Variants in ADCK5 observed in about 807,000 individuals in gnomAD.
The protein encoded by ADCK5 is uncharacterized aarF domain-containing protein kinase 5.
A neutral mutation model predicts 64.9 loss-of-function variants in ADCK5; 43 were observed. The ratio of observed to expected loss-of-function variants is 0.66; its 90% CI spans 0.52 to 0.85. ADCK5 has a LOEUF of 0.85. Among genes scored for constraint, ADCK5 ranks in the 40% least tolerant of loss-of-function variants. The pLI, the probability that ADCK5 is intolerant of heterozygous loss-of-function variation, is 0.00. For missense variants in ADCK5, 760 were observed against 810.5 expected (o/e 0.94, Z 0.76); for synonymous variants, 434 against 342.8 (o/e 1.27, Z -2.94).
intron 1 of ADCK5, among the ~76,000 whole-genome samples, chr8:144,377,127 A>T (rs140389525): frequency 2.0e-5 from 3 of 152,260 alleles, no homozygotes; most frequent in Non-Finnish European, 4.4e-5. Context: ...AGTCCTTTCC[A>T]CCCAAACCGT....
At chr8:144,390,562 A>G (rs1820167308) in intron 3 of ADCK5, 109 bp from the exon 4 acceptor site, 1 of 1,197,904 alleles carries the variant, frequency 8.3e-7, no homozygotes, top group Admixed American at 2.0e-5. Flanking sequence ...CCCTTGGGAC[A>G]TGAAGGGCTG....
intron 3 of ADCK5, among the ~76,000 whole-genome samples, chr8:144,388,607 A>C (rs1490939396): frequency 6.6e-6 from 1 of 151,698 alleles, no homozygotes; most frequent in Non-Finnish European, 1.5e-5. Flanking sequence ...TACTAAAAAT[A>C]CAAAAAAATT....
chr8:144,390,670 G>A lies in ADCK5; in HGVS notation c.267-1G>A. The stretch of plus-strand genomic sequence containing the variant: ...GAGACTGAGGCCACCTCTGCCCGCA[G>A]GTCTCTGAAGGTCGGCCTGCAGATC... On this transcript the variant is annotated splice_acceptor_variant, in intron 3 of 14. Coordinates refer to ENST00000308860, the MANE Select transcript of ADCK5 (RefSeq NM_174922.5). LOFTEE classifies it high-confidence loss of function. The A allele has an allele frequency of 6.2e-7, 1 of 1,613,428 alleles. No homozygotes were observed. The highest frequency in any genetic ancestry group is 8.5e-7 in the Non-Finnish European group (1 of 1,179,904).
At chr8:144,373,492 A>T (rs955831073), upstream of ADCK5, among the ~76,000 whole-genome samples, 1 of 152,204 alleles carries the variant, frequency 6.6e-6, no homozygotes, top group Non-Finnish European at 1.5e-5. Flanking sequence ...GCTAAGTGAC[A>T]GGGACCAAGG....
chr8:144,387,804 T>C (rs541837587), intron 3 of ADCK5, among the ~76,000 whole-genome samples: 9 of 151,422 alleles, frequency 5.9e-5, no homozygotes, highest in African/African-American at 2.2e-4. Context: ...GGATCTCCGC[T>C]CACTGCAACC....
upstream of ADCK5, chr8:144,373,860 C>T: frequency 2.6e-6 from 1 of 386,718 alleles, no homozygotes; most frequent in Non-Finnish European, 4.5e-6. Context: ...TGGAACCCTC[C>T]GCTCTCAGGA....
At chr8:144,392,374 C>T (rs1820301542) in intron 12 of ADCK5, 29 bp downstream of exon 12, 2 of 1,250,650 alleles carry the variant, frequency 1.6e-6, no homozygotes, top group Non-Finnish European at 2.2e-6. Context: ...GGCTGGGGCA[C>T]CACAGAAGGG....
intron 2 of ADCK5, 49 bp from the exon 3 acceptor site, chr8:144,383,032 C>A: frequency 1.3e-6 from 2 of 1,562,100 alleles, no homozygotes; most frequent in East Asian, 4.8e-5. Context: ...GATCAGAGCC[C>A]AGCTGAATGT....
At chr8:144,387,577 T>C (rs1331749956) in intron 3 of ADCK5, among the ~76,000 whole-genome samples, 3 of 151,682 alleles carry the variant, frequency 2.0e-5, no homozygotes, top group Non-Finnish European at 1.5e-5. Context: ...AATTTTTTTT[T>C]AATTTTTAGT....
Position 144,392,471 on chromosome 8 carries a change from A to G in ADCK5, c.1294A>G (p.Met432Val). 7.6e-7 allele frequency: 1 copy of G among 1,321,608 alleles called. No individual in the cohort carries two copies. The highest frequency in any genetic ancestry group is 9.8e-7 in the Non-Finnish European group (1 of 1,019,626). 81.9% of individuals were successfully genotyped at this position (1,321,608 alleles called of 1,614,324 possible). A position where few individuals can be genotyped will look rare whatever the true frequency, so the allele number is the denominator to read the frequency against. Residue 432 changes from methionine to valine, a missense_variant, in exon 13 of 15, where the codon ATG (methionine) becomes GTG (valine). Met to Val is a conservative substitution (Grantham distance 21). This residue lies in a region of ADCK5 where 333 missense variants were observed against 292.0 expected (regional missense o/e 1.14). Coordinates refer to ENST00000308860, the MANE Select transcript of ADCK5 (RefSeq NM_174922.5). Reference sequence around the variant, plus strand: ...CTACCTCCTGTTCGCCGAGATGCTCATGCAGCGCCCCGTGCGCCTGGGGCA... The same window carrying G: ...CTACCTCCTGTTCGCCGAGATGCTCGTGCAGCGCCCCGTGCGCCTGGGGCA... ...QDYLLFAEML[M>V]QRPVRLGQLW...
rs782028470 is a variant in ADCK5 at position 144,379,369 on chromosome 8, A to G, written c.13-18A>G. ...GTCCTGGCCTCGTTCGACCCCACACAATTTCCTCTCTTTGCAGGTGCAGCT... is the reference window on the plus strand; with the variant it reads ...GTCCTGGCCTCGTTCGACCCCACACGATTTCCTCTCTTTGCAGGTGCAGCT... On this transcript the variant is annotated intron_variant, in intron 1 of 14. Coordinates refer to ENST00000308860, the MANE Select transcript of ADCK5 (RefSeq NM_174922.5). 6.3e-7 allele frequency: 1 copy of G among 1,587,574 alleles called. No homozygotes were observed. Among genetic ancestry groups the G allele is most frequent in the Non-Finnish European group, 8.6e-7 (1 of 1,163,010 alleles).
At chr8:144,385,323 T>C (rs556492668) in intron 3 of ADCK5, among the ~76,000 whole-genome samples, 4 of 151,714 alleles carry the variant, frequency 2.6e-5, no homozygotes, top group Non-Finnish European at 4.4e-5. Context: ...AGCTGGGATT[T>C]CGGGTGTGTG....
rs1413788247 is a variant in ADCK5 at position 144,392,995 on chromosome 8, C to G, written c.1664C>G (p.Thr555Ser). The part of the protein sequence containing the change: ...LRLETLAMRL[T>S]ALLARALVHL... ...CTGGAGACCTTGGCCATGCGGCTGA[C>G]CGCCCTCCTGGCTCGTGCTCTGGTC... is the stretch of plus-strand genomic sequence containing the variant. The change falls in exon 15 of 15, where the codon ACC becomes AGC. Residue 555 changes from threonine (T) to serine (S), a missense_variant. Physicochemically the swap from Thr to Ser is moderately conservative, Grantham distance 58. This residue lies in a region of ADCK5 where 333 missense variants were observed against 292.0 expected (regional missense o/e 1.14). Transcript: ENST00000308860. 1.3e-6 allele frequency: 2 copies of G among 1,589,184 alleles called. No individual in the cohort carries two copies. The highest frequency in any genetic ancestry group is 1.7e-6 in the Non-Finnish European group (2 of 1,171,030).
Position 144,392,034 on chromosome 8 carries a change from C to T in ADCK5, c.1096+12C>T. ...ACATCCTGGCAACGGTAGGAATTTACCCCAGGGGTGGGGGTCTCAGGGTGG... is the reference window on the plus strand; with the variant it reads ...ACATCCTGGCAACGGTAGGAATTTATCCCAGGGGTGGGGGTCTCAGGGTGG... On this transcript the variant is annotated intron_variant, in intron 10 of 14. Transcript: ENST00000308860. 3 of 1,612,618 alleles carry T rather than the reference C, an allele frequency of 1.9e-6. No individual in the cohort carries two copies. Among genetic ancestry groups the T allele is most frequent in the South Asian group, 1.1e-5 (1 of 91,076 alleles).
chr8:144,390,821 C>T (rs1243994800), intron 4 of ADCK5, 35 bp from the exon 5 acceptor site: 1 of 1,607,224 alleles, frequency 6.2e-7, no homozygotes, highest in Non-Finnish European at 8.5e-7. Context: ...AGGCAGCCAC[C>T]TGTCCCCATG....
Position 144,391,788 on chromosome 8 carries a change from G to A in ADCK5, c.936G>A (p.Val312=). The change falls in exon 9 of 15, where the codon GTG becomes GTA. Residue 312 remains valine, a synonymous_variant. Coordinates refer to ENST00000308860, the MANE Select transcript of ADCK5 (RefSeq NM_174922.5). ...RVHWDKSSKR[V]LTADFCAGCK... The stretch of plus-strand genomic sequence containing the variant: ...CAGCCTCTTGCTCTCCCCAGCGCGT[G>A]CTCACTGCCGACTTCTGCGCCGGCT... 6.4e-7 allele frequency: 1 copy of A among 1,552,210 alleles called. No homozygotes were observed.
chr8:144,376,669 G>A lies in ADCK5; in HGVS notation c.12+2562G>A, dbSNP rs1228517226. On this transcript the variant is annotated intron_variant, in intron 1 of 14. Coordinates refer to ENST00000308860, the MANE Select transcript of ADCK5 (RefSeq NM_174922.5). This position sits in a 1 kb window ranked among gnomAD's most constrained non-coding sequence, Gnocchi z 5.1. Reference sequence around the variant, plus strand: ...CATGGATGAGGTGGGCAGTGGCTGGGATAGCCACCTGGAGGTAGCTCCCTT... The same window carrying A: ...CATGGATGAGGTGGGCAGTGGCTGGAATAGCCACCTGGAGGTAGCTCCCTT... Among the ~76,000 whole-genome samples, 1 of 152,210 alleles carries A rather than the reference G, an allele frequency of 6.6e-6. No individual in the cohort carries two copies. The highest frequency in any genetic ancestry group is 1.5e-5 in the Non-Finnish European group (1 of 68,042).
intron 1 of ADCK5, among the ~76,000 whole-genome samples, chr8:144,377,112 T>C (rs1819396732): frequency 6.6e-6 from 1 of 152,264 alleles, no homozygotes; most frequent in African/African-American, 2.4e-5. Context: ...TGACTGGCTA[T>C]GCACAGTCCT....
In ADCK5 at chr8:144,392,077, A is replaced by T; in HGVS notation, c.1097-15A>T. 6.2e-7 allele frequency: 1 copy of T among 1,612,196 alleles called. No individual in the cohort carries two copies. Among genetic ancestry groups the T allele is most frequent in the African/African-American group, 1.3e-5 (1 of 74,902 alleles). On this transcript the variant is annotated splice_polypyrimidine_tract_variant and intron_variant, in intron 10 of 14. Transcript: ENST00000308860. ...CAGGGTGGGCGCAGCGCGACCTAAG[A>T]GGCTGTATCCCTAGTTCTGGTGCGG...
Sources: gnomAD v4.1 joint callset for allele counts (sites outside exome capture counted in the v4.1 genomes callset) on GRCh38, gnomAD v4.1.1 for gene constraint, gnomAD v4.1.1 regional missense constraint, Gnocchi (gnomAD v3.1) non-coding constraint, MANE v1.5 for transcripts, NCBI Gene and HGNC (gene_info 2026-07-23, HGNC 2026-07-21) for gene names.